The following ZFP90 variants were observed in gnomAD, a reference collection of about 807,000 sequenced individuals.
ZFP90 encodes the protein ZFP90 zinc finger protein, also known as zinc finger protein 90 homolog.
ZFP90 carries 38 observed loss-of-function variants against 60.8 expected under a neutral mutation model. The ratio of observed to expected loss-of-function variants is 0.62; its 90% CI spans 0.48 to 0.82. The LOEUF is 0.82. Ranked by LOEUF, ZFP90 falls within the 40% of genes least tolerant of loss-of-function variation. The pLI is 0.00. For synonymous variants in ZFP90, 287 were observed against 264.8 expected (o/e 1.08, Z -0.82); for missense variants, 711 against 759.1 (o/e 0.94, Z 0.74).
At chr16:68,540,069 G>A (rs921064888) in intron 2 of ZFP90, among the ~76,000 whole-genome samples, 1 of 152,226 alleles carries the variant, frequency 6.6e-6, no homozygotes, top group Admixed American at 6.5e-5. Flanking sequence ...GATTGGATGC[G>A]TTGGGAAGTG....
intron 3 of ZFP90, 129 bp downstream of exon 3, chr16:68,558,253 T>C (rs1216909187): frequency 4.2e-6 from 6 of 1,420,452 alleles, no homozygotes; most frequent in Admixed American, 1.8e-5. Context: ...GTTAATCTCA[T>C]TGGGACCCAG....
chr16:68,556,841 G>C (rs1438857357), intron 2 of ZFP90, among the ~76,000 whole-genome samples: 1 of 152,208 alleles, frequency 6.6e-6, no homozygotes, highest in Non-Finnish European at 1.5e-5. Flanking sequence ...CCATGCTTGA[G>C]ATGATGCCTG....
chr16:68,549,083 T>G (rs1032236769), intron 2 of ZFP90, among the ~76,000 whole-genome samples: 6 of 152,120 alleles, frequency 3.9e-5, no homozygotes, highest in Non-Finnish European at 8.8e-5. Context: ...CAGGCAGTGG[T>G]TCTTAACCAG....
rs2091382810 is a variant in ZFP90 at position 68,558,467 on chromosome 16, G to C, written c.161-6G>C. On this transcript the variant is annotated splice_polypyrimidine_tract_variant and splice_region_variant and intron_variant, in intron 3 of 4. Coordinates refer to ENST00000563169, the MANE Select transcript of ZFP90 (RefSeq NM_001305203.2). ...AACCAAATCTTGTGTATTTACCCAT[G>C]AGCAGGATATCAAGTTTCCAAGCCA... is the stretch of plus-strand genomic sequence containing the variant. The C allele has an allele frequency of 6.2e-7, 1 of 1,613,334 alleles. No homozygotes were observed. The highest frequency in any genetic ancestry group is 1.1e-5 in the South Asian group (1 of 91,018).
chr16:68,564,114 A>G lies in ZFP90; in HGVS notation c.1327A>G (p.Thr443Ala). The G allele has an allele frequency of 6.2e-7, 1 of 1,614,094 alleles. No homozygotes were observed. Among genetic ancestry groups the G allele is most frequent in the Non-Finnish European group, 8.5e-7 (1 of 1,179,998 alleles). Residue 443 changes from threonine (T) to alanine (A), a missense_variant, in exon 5 of 5, where the codon ACT becomes GCT. Around this residue, in one of 5 missense-constraint regions of ZFP90, gnomAD observed 295 missense variants for 274.0 expected, o/e 1.08. Coordinates refer to ENST00000563169, the MANE Select transcript of ZFP90 (RefSeq NM_001305203.2). ...CACATCTCTCACTCAAGATGAAAGC[A>G]CTCTTACCGAAGTGAAATCCTACCA... ...HSTSLTQDES[T>A]LTEVKSYHCN...
At position 68,566,927 on chromosome 16, in the gene ZFP90, G is replaced by C; in HGVS notation, c.*2229G>C. On this transcript the variant is annotated 3_prime_UTR_variant, in exon 5 of 5. Transcript: ENST00000563169. Reference sequence around the variant, plus strand: ...TGGTTTGTGTTTGGTGCTTGGCCTAGATCCAGCCACCACTCTGAAACTCAG... The same window carrying C: ...TGGTTTGTGTTTGGTGCTTGGCCTACATCCAGCCACCACTCTGAAACTCAG... 1.0e-6 allele frequency: 1 copy of C among 985,602 alleles called. No homozygotes were observed. Among genetic ancestry groups the C allele is most frequent in the Non-Finnish European group, 1.2e-6 (1 of 829,964 alleles). The allele number at this position is 985,602 out of a possible 1,614,324, so 61.1% of individuals were successfully genotyped here.
chr16:68,549,654 G>A (rs1016609326), intron 2 of ZFP90, among the ~76,000 whole-genome samples: 2 of 135,660 alleles, frequency 1.5e-5, no homozygotes, highest in Non-Finnish European at 3.0e-5. Flanking sequence ...ACTCCAGCCT[G>A]GGCGACTGAG....
chr16:68,555,683 G>A (rs564931386), intron 2 of ZFP90, among the ~76,000 whole-genome samples: 1 of 152,302 alleles, frequency 6.6e-6, no homozygotes, highest in South Asian at 2.1e-4. Flanking sequence ...TTTGAATAAT[G>A]GTAGGTGTGC....
At chr16:68,552,564 G>A (rs1481195464) in intron 2 of ZFP90, among the ~76,000 whole-genome samples, 1 of 152,142 alleles carries the variant, frequency 6.6e-6, no homozygotes, top group African/African-American at 2.4e-5. Context: ...AAGGCTGAGC[G>A]CTTGAAGTAA....
chr16:68,545,405 C>T (rs1481925041), intron 2 of ZFP90, among the ~76,000 whole-genome samples: 3 of 152,160 alleles, frequency 2.0e-5, no homozygotes, highest in Non-Finnish European at 2.9e-5. Flanking sequence ...TTTCCAGTCA[C>T]AATGAGCCTA....
intron 2 of ZFP90, among the ~76,000 whole-genome samples, chr16:68,541,006 C>G (rs1248851595): frequency 6.7e-6 from 1 of 149,160 alleles, no homozygotes; most frequent in South Asian, 2.1e-4. Flanking sequence ...CCATGGTGCA[C>G]GCCACCATGC....
rs184734764 is a variant in ZFP90 at position 68,563,646 on chromosome 16, T to C, written c.859T>C (p.Cys287Arg). 1.9e-6 allele frequency: 3 copies of C among 1,614,146 alleles called. No homozygotes were observed. Among genetic ancestry groups the C allele is most frequent in the Admixed American group, 3.3e-5 (2 of 60,020 alleles). The change falls in exon 5 of 5, where the codon TGT (cysteine) becomes CGT (arginine). Residue 287 changes from cysteine (C) to arginine (R), a missense_variant. Physicochemically the swap from Cys to Arg is radical, Grantham distance 180. Transcript: ENST00000563169. ...GGAGAAACCCTTTGAATGCAATGTA[T>C]GTGGAAAGGCCTTCAGGCATAGCTC... is the stretch of plus-strand genomic sequence containing the variant. Reference protein sequence around the residue: ...TGEKPFECNVCGKAFRHSSSL... With the variant: ...TGEKPFECNVRGKAFRHSSSL...
At chr16:68,547,563 C>A (rs1597723192) in intron 2 of ZFP90, among the ~76,000 whole-genome samples, 1 of 151,930 alleles carries the variant, frequency 6.6e-6, no homozygotes, top group Admixed American at 6.6e-5. Context: ...GGTGAATTTT[C>A]TTTTCTCCTT....
chr16:68,536,234 T>C (rs1467271346), upstream of ZFP90, among the ~76,000 whole-genome samples: 1 of 152,190 alleles, frequency 6.6e-6, no homozygotes, highest in Non-Finnish European at 1.5e-5. Context: ...CTTTCTCACA[T>C]TCATCTTGCA....
chr16:68,539,716 G>C (rs931181650), intron 1 of ZFP90, 42 bp from the exon 2 acceptor site: 51 of 1,448,730 alleles, frequency 3.5e-5, no homozygotes, highest in Non-Finnish European at 4.4e-5. Flanking sequence ...GGGTGGGGTC[G>C]GTGTTGCAGC....
At chr16:68,574,926 C>A (rs369766253) in intron 2 of ZFP90, among the ~76,000 whole-genome samples, 400 of 103,504 alleles carry the variant, frequency 3.9e-3, no homozygotes, top group East Asian at 5.0e-3. Context: ...GACCCTGTCT[C>A]AAAAAAAAAA....
intron 2 of ZFP90, among the ~76,000 whole-genome samples, chr16:68,543,956 A>G (rs544395988): frequency 1.0e-4 from 15 of 144,460 alleles, no homozygotes; most frequent in African/African-American, 3.3e-4. Flanking sequence ...AGGTTCAAGC[A>G]ATTCTCCTGC....
intron 2 of ZFP90, among the ~76,000 whole-genome samples, chr16:68,557,737 CT>C (rs1160454782): frequency 5.3e-5 from 8 of 150,728 alleles, no homozygotes; most frequent in African/African-American, 7.3e-5. Context: ...TATAAAAAGG[CT>C]TGGCTTTGAA....
At chr16:68,549,643 C>T (rs2091218878) in intron 2 of ZFP90, among the ~76,000 whole-genome samples, 1 of 139,956 alleles carries the variant, frequency 7.1e-6, no homozygotes, top group Non-Finnish European at 1.5e-5. Context: ...CGTGCCACTG[C>T]ACTCCAGCCT....
Sources: gnomAD v4.1 joint callset for allele counts (sites outside exome capture counted in the v4.1 genomes callset) on GRCh38, gnomAD v4.1.1 for gene constraint, gnomAD v4.1.1 regional missense constraint, MANE v1.5 for transcripts, NCBI Gene and HGNC (gene_info 2026-07-23, HGNC 2026-07-21) for gene names.